Variants in GXYLT1 observed in about 807,000 individuals in gnomAD.
GXYLT1 encodes the protein glucoside xylosyltransferase 1.
Under a neutral mutation model 54.0 loss-of-function variants are expected in GXYLT1, and 29 were observed. That is an observed-to-expected ratio of 0.54 (90% CI 0.40 to 0.73). The LOEUF (loss-of-function observed/expected upper bound fraction) is 0.73, where lower values mean the gene tolerates loss of function less well. Ranked by LOEUF, GXYLT1 falls within the 30% of genes least tolerant of loss-of-function variation. The pLI, the probability that GXYLT1 is intolerant of heterozygous loss-of-function variation, is 0.00. For missense variants in GXYLT1, 490 were observed against 553.4 expected (o/e 0.89, Z 1.15); for synonymous variants, 176 against 204.1 (o/e 0.86, Z 1.17).
intron 1 of GXYLT1, among the ~76,000 whole-genome samples, chr12:42,137,075 T>G (rs2065623929): frequency 6.6e-6 from 1 of 152,170 alleles, no homozygotes; most frequent in South Asian, 2.1e-4. Context: ...GTTGTACTTT[T>G]AAGTTAAACT....
At chr12:42,118,832 G>C (rs1402536403) in intron 3 of GXYLT1, among the ~76,000 whole-genome samples, 168 bp downstream of exon 3, 1 of 152,062 alleles carries the variant, frequency 6.6e-6, no homozygotes, top group Non-Finnish European at 1.5e-5. Context: ...GTTTCCTGAG[G>C]CCTCTCCAGC....
At chr12:42,143,155 T>G (rs184902555) in intron 1 of GXYLT1, among the ~76,000 whole-genome samples, 1 of 152,298 alleles carries the variant, frequency 6.6e-6, no homozygotes. Context: ...TCAGTCTAAT[T>G]TCATTCAATA....
chr12:42,116,294 C>A (rs2065494403), intron 3 of GXYLT1, among the ~76,000 whole-genome samples: 1 of 152,124 alleles, frequency 6.6e-6, no homozygotes, highest in African/African-American at 2.4e-5. Flanking sequence ...TCTAATTCAA[C>A]TAAAGAGCTT....
chr12:42,137,831 A>G (rs989989024), intron 1 of GXYLT1, among the ~76,000 whole-genome samples: 3 of 151,928 alleles, frequency 2.0e-5, no homozygotes, highest in Non-Finnish European at 4.4e-5. Flanking sequence ...GTATGAATGA[A>G]GTGCTGCTGC....
At chr12:42,093,249 C>G (rs1485094078) in intron 7 of GXYLT1, among the ~76,000 whole-genome samples, 1 of 152,118 alleles carries the variant, frequency 6.6e-6, no homozygotes, top group Non-Finnish European at 1.5e-5. Context: ...AGGCACGTGC[C>G]ACGATGCCTG....
intron 6 of GXYLT1, 35 bp from the exon 7 acceptor site, chr12:42,097,649 A>G: frequency 6.4e-7 from 1 of 1,550,480 alleles, no homozygotes; most frequent in Non-Finnish European, 8.8e-7. Flanking sequence ...TGAAGCAAAT[A>G]CCCCTAATTC....
rs978780461 is a variant in GXYLT1 at position 42,119,799 on chromosome 12, C to CA, written c.315-629dup. ...CTCCAGACAGAGCAAGATCCTGTCT[C>CA]AAAAAAAAGAATGTATTTATTTAAA... On this transcript the variant is annotated intron_variant, in intron 2 of 7. Transcript: ENST00000398675. Among the ~76,000 whole-genome samples, 20 of 151,520 alleles carry CA rather than the reference C, an allele frequency of 1.3e-4. No homozygotes were observed. In the East Asian group the frequency reaches 1.7e-3, roughly 13 times the overall value.
intron 1 of GXYLT1, among the ~76,000 whole-genome samples, chr12:42,133,155 G>GT (rs1392842584): frequency 6.6e-6 from 1 of 152,108 alleles, no homozygotes; most frequent in Non-Finnish European, 1.5e-5. Context: ...GCGGTTGCCT[G>GT]TAATCCCAGC....
intron 4 of GXYLT1, among the ~76,000 whole-genome samples, chr12:42,107,664 C>G (rs553790839): frequency 1.4e-4 from 21 of 151,904 alleles, no homozygotes; most frequent in African/African-American, 4.8e-4. Flanking sequence ...ACACTCCAGA[C>G]TAGGCAATAG....
intron 7 of GXYLT1, among the ~76,000 whole-genome samples, chr12:42,089,345 G>A (rs2065315912): frequency 8.9e-6 from 1 of 112,116 alleles, no homozygotes; most frequent in East Asian, 3.1e-4. Context: ...TGTGGGGTGG[G>A]GGGAGGGGGG....
intron 5 of GXYLT1, among the ~76,000 whole-genome samples, chr12:42,099,799 C>CA (rs1405856408): frequency 6.6e-6 from 1 of 152,028 alleles, no homozygotes; most frequent in African/African-American, 2.4e-5. Context: ...TGCAGTGAGC[C>CA]AAGATTGTGC....
intron 1 of GXYLT1, among the ~76,000 whole-genome samples, chr12:42,135,544 C>A (rs2065614991): frequency 6.6e-6 from 1 of 151,720 alleles, no homozygotes; most frequent in African/African-American, 2.4e-5. Context: ...TCATAATAGC[C>A]AAAAAGTATG....
chr12:42,081,856 A>C lies in GXYLT1; in HGVS notation c.*5930T>G, dbSNP rs929036499. 2 of 152,252 alleles carry C rather than the reference A, an allele frequency of 1.3e-5. No homozygotes were observed. Among genetic ancestry groups the C allele is most frequent in the African/African-American group, 2.4e-5 (1 of 41,464 alleles). 9.4% of individuals were successfully genotyped at this position (152,252 alleles called of 1,614,324 possible). A position where few individuals can be genotyped will look rare whatever the true frequency, so the allele number is the denominator to read the frequency against. On this transcript the variant is annotated 3_prime_UTR_variant, in exon 8 of 8. Transcript: ENST00000398675. Reference sequence around the variant, plus strand: ...ATCCAGACATATAATTTGAGGAAATAAAACGTTTATTGAGTAAATGTTTAT... The same window carrying C: ...ATCCAGACATATAATTTGAGGAAATCAAACGTTTATTGAGTAAATGTTTAT...
chr12:42,100,766 C>G (rs1461792519), intron 5 of GXYLT1, among the ~76,000 whole-genome samples: 3 of 151,886 alleles, frequency 2.0e-5, no homozygotes, highest in Admixed American at 2.0e-4. Context: ...TTCTTAGGAT[C>G]TGAAAAGAAA....
At position 42,084,011 on chromosome 12, in the gene GXYLT1, C is replaced by A. The variant is rs796139060; in HGVS notation, c.*3775G>T. 1.3e-5 allele frequency: 2 copies of A among 151,460 alleles called. No individual in the cohort carries two copies. The highest frequency in any genetic ancestry group is 2.9e-5 in the Non-Finnish European group (2 of 67,856). 9.4% of individuals were successfully genotyped at this position (151,460 alleles called of 1,614,324 possible). On this transcript the variant is annotated 3_prime_UTR_variant, in exon 8 of 8. Coordinates refer to ENST00000398675, the MANE Select transcript of GXYLT1 (RefSeq NM_173601.2). ...AAAGACATAAAATGTTGAATTGGCA[C>A]TAAATGATCAGTGAGTAGGGTGATT...
rs535673208 is a variant in GXYLT1, at chr12:42,085,426, G to A, written c.*2360C>T. On this transcript the variant is annotated 3_prime_UTR_variant, in exon 8 of 8. Coordinates refer to ENST00000398675, the MANE Select transcript of GXYLT1 (RefSeq NM_173601.2). The stretch of plus-strand genomic sequence containing the variant: ...AGAGCCCATGGGGCTGAGATTCTCC[G>A]TTCACTGAGGAAATTTTATCTTATC... 4 of 152,374 alleles carry A rather than the reference G, an allele frequency of 2.6e-5. No individual in the cohort carries two copies. Among genetic ancestry groups the A allele is most frequent in the East Asian group, 1.9e-4 (1 of 5,184 alleles). The allele number at this position is 152,374 out of a possible 1,614,324, so 9.4% of individuals were successfully genotyped here. A position where few individuals can be genotyped will look rare whatever the true frequency, so the allele number is the denominator to read the frequency against.
In GXYLT1 at chr12:42,105,987, A is replaced by G. The variant is rs778506979; in HGVS notation, c.695T>C (p.Leu232Ser). The change falls in exon 5 of 8, where the codon TTA (leucine) becomes TCA (serine). Residue 232 changes from leucine (L) to serine (S), a missense_variant. By Grantham distance (145) the Leu-to-Ser change is moderately radical. Transcript: ENST00000398675. ...TTGTGTGGAATTAAATTTCTTTAGT[A>G]AAGACCAAATATCATCAACTGGTCG... ...FLRPVDDIWS[L>S]LKKFNSTQIA... The G allele has an allele frequency of 1.1e-5, 18 of 1,613,774 alleles. No individual in the cohort carries two copies. The highest frequency in any genetic ancestry group is 8.0e-5 in the African/African-American group (6 of 75,050).
intron 1 of GXYLT1, among the ~76,000 whole-genome samples, chr12:42,134,499 A>G (rs1172641242): frequency 6.6e-6 from 1 of 152,116 alleles, no homozygotes; most frequent in Non-Finnish European, 1.5e-5. Flanking sequence ...TTGTAGAGAC[A>G]AAGTTTTGCT....
At chr12:42,106,178 A>C in intron 4 of GXYLT1, 109 bp from the exon 5 acceptor site, 1 of 695,052 alleles carries the variant, frequency 1.4e-6, no homozygotes, top group Admixed American at 3.3e-5. Flanking sequence ...AATTTATATT[A>C]TTTTATTTTA....
Sources: allele counts gnomAD v4.1 joint callset (sites outside exome capture counted in the v4.1 genomes callset), GRCh38; gene constraint gnomAD v4.1.1; transcripts MANE v1.5; gene names NCBI Gene and HGNC (gene_info 2026-07-23, HGNC 2026-07-21).